The following DPP6 variants were observed in gnomAD, a reference collection of about 807,000 sequenced individuals.
The protein encoded by DPP6 is dipeptidyl peptidase like 6.
DPP6 carries 69 observed loss-of-function variants against 122.6 expected under a neutral mutation model. The observed-to-expected ratio is 0.56, with a 90% CI of 0.46 to 0.69. DPP6 has a LOEUF of 0.69. Among genes scored for constraint, DPP6 ranks in the 30% least tolerant of loss-of-function variants. The pLI is 0.00. For missense variants in DPP6, 928 were observed against 1,116.9 expected, an observed-to-expected ratio of 0.83 and a Z score of 2.41; for synonymous variants, 418 against 433.1, an observed-to-expected ratio of 0.97 and a Z score of 0.43.
chr7:154,387,973 C>T (rs1024777773), intron 1 of DPP6, among the ~76,000 whole-genome samples: 1 of 151,982 alleles, frequency 6.6e-6, no homozygotes, highest in African/African-American at 2.4e-5. Context: ...ACACTCAGCA[C>T]CTAGAAGAGT....
At chr7:153,920,897 C>A (rs1800608870) in intron 1 of DPP6, among the ~76,000 whole-genome samples, 2 of 152,112 alleles carry the variant, frequency 1.3e-5, no homozygotes, top group Admixed American at 6.6e-5. Context: ...AAATGTGTCA[C>A]CAATTTCACT....
At chr7:154,330,940 G>T (rs1808875455) in intron 1 of DPP6, among the ~76,000 whole-genome samples, 1 of 152,178 alleles carries the variant, frequency 6.6e-6, no homozygotes, top group Admixed American at 6.5e-5. Flanking sequence ...GCATTCTCCA[G>T]CTCCTGCAGT....
At chr7:153,941,165 G>C (rs1801678536) in intron 1 of DPP6, among the ~76,000 whole-genome samples, 1 of 152,206 alleles carries the variant, frequency 6.6e-6, no homozygotes, top group African/African-American at 2.4e-5. Flanking sequence ...GTGCATAGCA[G>C]GCATGGAACA....
chr7:153,759,973 C>A, the DPP6 span, among the ~76,000 whole-genome samples: 1 of 127,188 alleles, frequency 7.9e-6, no homozygotes, highest in Non-Finnish European at 1.7e-5. Flanking sequence ...GTTTCTGTAT[C>A]TCTCTCTCTC....
chr7:153,834,796 GAAAC>G, the DPP6 span, among the ~76,000 whole-genome samples: 10,510 of 152,172 alleles, frequency 0.069, 351 homozygotes, highest in South Asian at 0.09. Context: ...TTCATATAGA[GAAAC>G]AACGTGGCAA....
At chr7:154,286,623 A>G (rs967325787) in intron 1 of DPP6, among the ~76,000 whole-genome samples, 12 of 152,124 alleles carry the variant, frequency 7.9e-5, no homozygotes, top group African/African-American at 2.9e-4. Context: ...GAGTCCAGAC[A>G]TCAGGTGGCT....
intron 1 of DPP6, among the ~76,000 whole-genome samples, chr7:154,431,922 C>T (rs901568859): frequency 3.9e-5 from 6 of 152,152 alleles, no homozygotes; most frequent in East Asian, 1.9e-4. Context: ...TCCAGGACAG[C>T]GCTCAGCTCC....
In DPP6 at chr7:154,659,775, G is replaced by A. The variant is rs533239285; in HGVS notation, c.681-9585G>A. 1.9e-3 allele frequency among the ~76,000 whole-genome samples: 296 copies of A among 152,308 alleles called. 2 individuals carry two copies. The highest frequency in any genetic ancestry group is 3.4e-3 in the Middle Eastern group (1 of 294). On this transcript the variant is annotated intron_variant, in intron 6 of 25. Coordinates refer to ENST00000377770, the MANE Select transcript of DPP6 (RefSeq NM_130797.4). ...CACGACTCACTTCTGGCATCTTGGAGTCACTTGTTTAACTTATAGAGACTG... is the reference window on the plus strand; with the variant it reads ...CACGACTCACTTCTGGCATCTTGGAATCACTTGTTTAACTTATAGAGACTG...
intron 5 of DPP6, among the ~76,000 whole-genome samples, chr7:154,620,304 G>A (rs1406039034): frequency 6.6e-6 from 1 of 152,208 alleles, no homozygotes; most frequent in Admixed American, 6.5e-5. Flanking sequence ...AGTCAGTAGC[G>A]ACTGATCACT....
At chr7:154,182,131 G>C (rs1798121670) in intron 1 of DPP6, among the ~76,000 whole-genome samples, 1 of 152,152 alleles carries the variant, frequency 6.6e-6, no homozygotes, top group Non-Finnish European at 1.5e-5. Flanking sequence ...TCCTGCTTGG[G>C]TTTAGGAGGA....
chr7:154,666,418 T>C (rs1838172289), intron 6 of DPP6, among the ~76,000 whole-genome samples: 1 of 152,084 alleles, frequency 6.6e-6, no homozygotes, highest in East Asian at 1.9e-4. Context: ...AATATGATAT[T>C]TTGTTATATG....
At chr7:154,221,933 T>G (rs1211603907) in intron 1 of DPP6, among the ~76,000 whole-genome samples, 1 of 152,178 alleles carries the variant, frequency 6.6e-6, no homozygotes, top group African/African-American at 2.4e-5. Context: ...AAATTTAATT[T>G]AATTTTCTCT....
chr7:154,082,110 C>T (rs1193249255), intron 1 of DPP6, among the ~76,000 whole-genome samples: 5 of 152,154 alleles, frequency 3.3e-5, no homozygotes, highest in Admixed American at 2.6e-4. Context: ...CAGCGGGTTC[C>T]ATCGTCTACG....
intron 17 of DPP6, among the ~76,000 whole-genome samples, chr7:154,859,368 G>A (rs1005908199): frequency 3.3e-5 from 5 of 152,232 alleles, no homozygotes; most frequent in South Asian, 2.1e-4. Context: ...GCTGTGTGAC[G>A]CCATGACTGG....
At chr7:154,401,807 G>A (rs995555741) in intron 1 of DPP6, among the ~76,000 whole-genome samples, 4 of 152,108 alleles carry the variant, frequency 2.6e-5, no homozygotes, top group Non-Finnish European at 5.9e-5. Flanking sequence ...GGAGTGAACA[G>A]GCAGCCTACA....
At chr7:154,576,391 T>C (rs1831674663) in intron 5 of DPP6, among the ~76,000 whole-genome samples, 1 of 152,116 alleles carries the variant, frequency 6.6e-6, no homozygotes, top group African/African-American at 2.4e-5. Context: ...CCTGAGTCCC[T>C]TCCAAATTCA....
At chr7:153,843,413 G>A in the DPP6 span, among the ~76,000 whole-genome samples, 1 of 152,132 alleles carries the variant, frequency 6.6e-6, no homozygotes, top group African/African-American at 2.4e-5. Flanking sequence ...GTGGGATCTC[G>A]CCAGCACCCC....
chr7:154,074,044 T>A (rs1803336356), intron 1 of DPP6, among the ~76,000 whole-genome samples: 3 of 46,002 alleles, frequency 6.5e-5, no homozygotes, highest in African/African-American at 2.6e-4. Flanking sequence ...TGTATGTAAG[T>A]ATCTATCTAT....
intron 1 of DPP6, among the ~76,000 whole-genome samples, chr7:153,979,371 T>C (rs545303313): frequency 6.6e-6 from 1 of 152,386 alleles, no homozygotes; most frequent in African/African-American, 2.4e-5. Context: ...ATAGGAATGC[T>C]TGTGCATTTT....
Sources: gnomAD v4.1 joint callset for allele counts (sites outside exome capture counted in the v4.1 genomes callset) on GRCh38, gnomAD v4.1.1 for gene constraint, MANE v1.5 for transcripts, NCBI Gene and HGNC (gene_info 2026-07-23, HGNC 2026-07-21) for gene names.